EPSTI1: variants seen among roughly 807,000 people sequenced by gnomAD.
EPSTI1 encodes the protein epithelial-stromal interaction protein 1.
EPSTI1 carries 66 observed loss-of-function variants against 49.9 expected under a neutral mutation model. That is an observed-to-expected ratio of 1.32 (90% CI 1.08 to 1.62). The LOEUF (loss-of-function observed/expected upper bound fraction) is 1.62. EPSTI1 is among the 40% of genes most tolerant of loss of function. The pLI is 0.00. For synonymous variants in EPSTI1, 137 were observed against 130.7 expected, an observed-to-expected ratio of 1.05 and a Z score of -0.33; for missense variants, 394 against 365.5, an observed-to-expected ratio of 1.08 and a Z score of -0.64.
At chr13:42,925,958 G>T (rs1217516941) in intron 7 of EPSTI1, among the ~76,000 whole-genome samples, 1 of 135,446 alleles carries the variant, frequency 7.4e-6, no homozygotes, top group East Asian at 2.2e-4. Context: ...GAAACTGTAG[G>T]CACTTAGTAG....
chr13:42,963,291 A>G lies in EPSTI1; in HGVS notation c.453T>C (p.Ala151=). The G allele has an allele frequency of 1.9e-6, 3 of 1,613,646 alleles. No homozygotes were observed. Among genetic ancestry groups the G allele is most frequent in the Non-Finnish European group, 2.5e-6 (3 of 1,179,846 alleles). Residue 151 remains alanine (A), a synonymous_variant, in exon 5 of 11, where the codon GCT becomes GCC. Coordinates refer to ENST00000313624, the MANE Select transcript of EPSTI1 (RefSeq NM_033255.5). Reference sequence around the variant, plus strand: ...GAATTGCCTTCATTTTTTGGAGTTCAGCTTCTTCAGCTTCCTTCTTGATTC... The same window carrying G: ...GAATTGCCTTCATTTTTTGGAGTTCGGCTTCTTCAGCTTCCTTCTTGATTC... ...SVRIKKEAEE[A]ELQKMKAIQR...
At chr13:42,987,622 T>C (rs1274328487) in intron 1 of EPSTI1, among the ~76,000 whole-genome samples, 2 of 152,158 alleles carry the variant, frequency 1.3e-5, no homozygotes, top group Non-Finnish European at 2.9e-5. Context: ...TTAGTGTATT[T>C]TGTGTGGGGC....
At position 42,907,861 on chromosome 13, in the gene EPSTI1, AC is replaced by A. The variant is rs2037541571; in HGVS notation, c.742-7479del. On this transcript the variant is annotated intron_variant, in intron 8 of 10. Coordinates refer to ENST00000313624, the MANE Select transcript of EPSTI1 (RefSeq NM_033255.5). ...AGCCATCTCTGCTTTATTCGAATTGACTTTTATGTATAATAACCAAAACAGC... is the reference window on the plus strand; with the variant it reads ...AGCCATCTCTGCTTTATTCGAATTGATTTTATGTATAATAACCAAAACAGC... Among the ~76,000 whole-genome samples the A allele has an allele frequency of 2.0e-5, 3 of 152,316 alleles. No individual in the cohort carries two copies. In the South Asian group the frequency reaches 6.2e-4, roughly 32 times the overall value.
At chr13:42,924,375 G>A (rs1390047767) in intron 7 of EPSTI1, among the ~76,000 whole-genome samples, 1 of 152,116 alleles carries the variant, frequency 6.6e-6, no homozygotes, top group Non-Finnish European at 1.5e-5. Context: ...ATGCAGCTCT[G>A]GGAAACATTG....
intron 8 of EPSTI1, among the ~76,000 whole-genome samples, chr13:42,915,062 T>G (rs1445040378): frequency 6.6e-6 from 1 of 152,226 alleles, no homozygotes; most frequent in Non-Finnish European, 1.5e-5. Context: ...ACCTAAGAAT[T>G]ATTCCATAGT....
At position 42,919,473 on chromosome 13, in the gene EPSTI1, T is replaced by A. The variant is rs1223672939; in HGVS notation, c.658-1849A>T. The A allele has an allele frequency of 5.3e-6, 4 of 755,892 alleles. No homozygotes were observed. In the African/African-American group the frequency reaches 7.0e-5, roughly 13 times the overall value. The allele number at this position is 755,892 out of a possible 1,614,324, so 46.8% of individuals were successfully genotyped here. A position where few individuals can be genotyped will look rare whatever the true frequency, so the allele number is the denominator to read the frequency against. ...AATACAATACCAATGCTATATTTTATCATTCAACCAAAATACACCTTTATT... is the reference window on the plus strand; with the variant it reads ...AATACAATACCAATGCTATATTTTAACATTCAACCAAAATACACCTTTATT... On this transcript the variant is annotated intron_variant, in intron 7 of 10. Transcript: ENST00000313624.
At chr13:42,958,070 C>T (rs1403408359) in intron 5 of EPSTI1, among the ~76,000 whole-genome samples, 1 of 152,164 alleles carries the variant, frequency 6.6e-6, no homozygotes, top group Non-Finnish European at 1.5e-5. Flanking sequence ...CTCCGCCCAG[C>T]TGGATTTTTC....
rs566035148 is a variant in EPSTI1 at position 42,935,613 on chromosome 13, C to T, written c.564-9184G>A. ...TTTTTTATTTTTTATTTTTTTGAGG[C>T]AGAGTTTTGCTCTTGTTGCCCAGGC... On this transcript the variant is annotated intron_variant, in intron 6 of 10. Transcript: ENST00000313624. 9.7e-4 allele frequency among the ~76,000 whole-genome samples: 148 copies of T among 152,110 alleles called. No homozygotes were observed. The Middle Eastern group carries it at 0.014, about 14-fold the overall frequency.
intron 5 of EPSTI1, among the ~76,000 whole-genome samples, chr13:42,954,765 A>C (rs1438395855): frequency 6.6e-6 from 1 of 152,206 alleles, no homozygotes; most frequent in Non-Finnish European, 1.5e-5. Flanking sequence ...CTAGACAACA[A>C]ATTTAATGGA....
At chr13:42,895,131 T>C in intron 9 of EPSTI1, 23 bp from the exon 10 acceptor site, 2 of 1,586,126 alleles carry the variant, frequency 1.3e-6, no homozygotes, top group Non-Finnish European at 1.7e-6. Flanking sequence ...GAAAAATGTG[T>C]GTGAGTAGAA....
rs765515724 is a variant in EPSTI1 at position 42,922,414 on chromosome 13, G to A, written c.657+3922C>T. Among the ~76,000 whole-genome samples the A allele has an allele frequency of 9.2e-5, 14 of 151,844 alleles. No individual in the cohort carries two copies. The highest frequency in any genetic ancestry group is 1.5e-5 in the Non-Finnish European group (1 of 68,036). ...AAGAGGAAGGCAGAAAGGTCAGGGA[G>A]GGTGCAGAAGGTTGGGTGAGATGGA... On this transcript the variant is annotated intron_variant, in intron 7 of 10. Coordinates refer to ENST00000313624, the MANE Select transcript of EPSTI1 (RefSeq NM_033255.5). This position sits in a 1 kb window ranked among gnomAD's most constrained non-coding sequence, Gnocchi z 4.8.
chr13:42,893,733 C>T (rs1234912817), intron 10 of EPSTI1, among the ~76,000 whole-genome samples: 2 of 152,170 alleles, frequency 1.3e-5, no homozygotes, highest in Admixed American at 6.5e-5. Context: ...GTTTTAAGAG[C>T]GGTTCCATAG....
At position 42,991,850 on chromosome 13, in the gene EPSTI1, C is replaced by T. The variant is rs568455436; in HGVS notation, c.188+128G>A. ...GGATACTTTCATTTAAGCAAATGAG[C>T]TTTCATTCAGTCAAAATCCCTGTTG... On this transcript the variant is annotated intron_variant, in intron 1 of 10. Transcript: ENST00000313624. 3.7e-5 allele frequency: 39 copies of T among 1,059,108 alleles called. No individual in the cohort carries two copies. In the East Asian group the frequency reaches 9.1e-4, roughly 25 times the overall value. The allele number at this position is 1,059,108 out of a possible 1,614,324, so 65.6% of individuals were successfully genotyped here.
intron 1 of EPSTI1, among the ~76,000 whole-genome samples, chr13:42,985,547 A>G (rs1280362710): frequency 6.6e-6 from 1 of 152,176 alleles, no homozygotes; most frequent in African/African-American, 2.4e-5. Flanking sequence ...CTTTCATTCT[A>G]TGAAAGGACC....
At chr13:42,987,342 G>T (rs2040102778) in intron 1 of EPSTI1, among the ~76,000 whole-genome samples, 1 of 151,472 alleles carries the variant, frequency 6.6e-6, no homozygotes, top group Non-Finnish European at 1.5e-5. Context: ...TGACATATTT[G>T]ATGTCAGGAA....
Position 42,963,307 on chromosome 13 carries a change from T to C in EPSTI1, c.437A>G (p.Lys146Arg), listed in dbSNP as rs753925717. ...LKREESVRIK[K>R]EAEEAELQKM... The stretch of plus-strand genomic sequence containing the variant: ...TTGGAGTTCAGCTTCTTCAGCTTCC[T>C]TCTTGATTCTTACAGATTCTTCTCT... Residue 146 changes from lysine (K) to arginine (R), a missense_variant, in exon 5 of 11, where the codon AAG (lysine) becomes AGG (arginine). Lys to Arg is a conservative substitution (Grantham distance 26). Transcript: ENST00000313624. 18 of 1,613,460 alleles carry C rather than the reference T, an allele frequency of 1.1e-5. No homozygotes were observed. The Admixed American group carries it at 2.8e-4, about 25-fold the overall frequency.
intron 7 of EPSTI1, among the ~76,000 whole-genome samples, chr13:42,921,827 C>T (rs1594650627): frequency 6.6e-6 from 1 of 150,650 alleles, no homozygotes; most frequent in East Asian, 1.9e-4. Flanking sequence ...ACACCCAGGA[C>T]AGGTTAAAGC....
At chr13:42,931,104 C>A (rs1018603448) in intron 6 of EPSTI1, among the ~76,000 whole-genome samples, 1 of 151,038 alleles carries the variant, frequency 6.6e-6, no homozygotes, top group Non-Finnish European at 1.5e-5. Flanking sequence ...ATTCTTAATA[C>A]TCTTTCCTCC....
intron 7 of EPSTI1, among the ~76,000 whole-genome samples, chr13:42,924,438 G>T (rs1226160116): frequency 6.6e-6 from 1 of 152,190 alleles, no homozygotes; most frequent in Non-Finnish European, 1.5e-5. Context: ...TTAAATTGAA[G>T]AAATGAGCCA....
Sources: gnomAD v4.1 joint callset for allele counts (sites outside exome capture counted in the v4.1 genomes callset) on GRCh38, gnomAD v4.1.1 for gene constraint, Gnocchi (gnomAD v3.1) non-coding constraint, MANE v1.5 for transcripts, NCBI Gene and HGNC (gene_info 2026-07-23, HGNC 2026-07-21) for gene names.